LRRC28: variants seen among roughly 807,000 people sequenced by gnomAD.
LRRC28 encodes the protein leucine rich repeat containing 28.
Under a neutral mutation model 45.7 loss-of-function variants are expected in LRRC28, and 39 were observed. The observed-to-expected ratio is 0.85, with a 90% CI of 0.66 to 1.12. The LOEUF (loss-of-function observed/expected upper bound fraction) is 1.12. Ranked by LOEUF, LRRC28 falls within the 50% of genes most tolerant of loss-of-function variation. The pLI is 0.00. For missense variants in LRRC28, 435 were observed against 438.5 expected, an observed-to-expected ratio of 0.99 and a Z score of 0.07; for synonymous variants, 206 against 178.8, an observed-to-expected ratio of 1.15 and a Z score of -1.22.
At chr15:99,277,391 A>T (rs1248580795) in intron 3 of LRRC28, among the ~76,000 whole-genome samples, 1 of 152,148 alleles carries the variant, frequency 6.6e-6, no homozygotes, top group Non-Finnish European at 1.5e-5. Flanking sequence ...ACCTAAATTT[A>T]ACCAATTTTG....
intron 3 of LRRC28, among the ~76,000 whole-genome samples, chr15:99,276,864 G>A (rs918252085): frequency 5.3e-5 from 8 of 152,166 alleles, no homozygotes; most frequent in African/African-American, 1.7e-4. Flanking sequence ...CTTTTCTCTG[G>A]GTATAGTGTC....
intron 2 of LRRC28, among the ~76,000 whole-genome samples, chr15:99,266,362 A>G (rs538089794): frequency 1.3e-3 from 191 of 152,282 alleles, no homozygotes; most frequent in Non-Finnish European, 2.2e-3. Context: ...ATTGGCAAAG[A>G]TGAACACCTA....
At position 99,333,725 on chromosome 15, in the gene LRRC28, T is replaced by C. The variant is rs942124712; in HGVS notation, c.386-198T>C. ...AGCCCTTTTCTCCATTTAAGAAATG[T>C]TGGCAGGGTAATTTAAAAACACTCA... On this transcript the variant is annotated intron_variant, in intron 5 of 9. Transcript: ENST00000301981. The C allele has an allele frequency of 8.2e-6, 5 of 612,890 alleles. No homozygotes were observed. The African/African-American group carries it at 9.3e-5, about 11-fold the overall frequency. The allele number at this position is 612,890 out of a possible 1,614,324, so 38.0% of individuals were successfully genotyped here.
chr15:99,258,886 T>TA (rs1468992777), intron 2 of LRRC28: 22 of 711,910 alleles, frequency 3.1e-5, no homozygotes, highest in Admixed American at 9.1e-5. Flanking sequence ...ACTTCCGTGA[T>TA]ACGATGCCTA....
intron 9 of LRRC28, among the ~76,000 whole-genome samples, chr15:99,377,121 C>G (rs1432265717): frequency 6.6e-6 from 1 of 152,018 alleles, no homozygotes; most frequent in Non-Finnish European, 1.5e-5. Context: ...AATTGCCACA[C>G]TGACTTCCAC....
chr15:99,287,264 C>T lies in LRRC28; in HGVS notation c.217C>T (p.His73Tyr), dbSNP rs923117051. 1 of 1,570,952 alleles carries T rather than the reference C, an allele frequency of 6.4e-7. No individual in the cohort carries two copies. The highest frequency in any genetic ancestry group is 8.6e-7 in the Non-Finnish European group (1 of 1,161,746). The stretch of plus-strand genomic sequence containing the variant: ...TTTCTTTTTCCTTCCTAGATACCTG[C>T]ACTCAAATAACATAGTTGTGGTTCC... ...KLPNLVELYL[H>Y]SNNIVVVPEA... The change falls in exon 4 of 10, where the codon CAC becomes TAC. Residue 73 changes from histidine to tyrosine, a missense_variant. Transcript: ENST00000301981.
intron 5 of LRRC28, among the ~76,000 whole-genome samples, chr15:99,315,886 A>G (rs12915819): frequency 0.83 from 126,987 of 152,160 alleles, 53,384 homozygotes; most frequent in African/African-American, 0.95. Flanking sequence ...GCAGCAGAGC[A>G]AGAACCTGTC....
At chr15:99,270,928 C>CT (rs2081461146) in intron 2 of LRRC28, among the ~76,000 whole-genome samples, 2 of 152,212 alleles carry the variant, frequency 1.3e-5, no homozygotes, top group Admixed American at 6.5e-5. Flanking sequence ...ACACTTGTTA[C>CT]TTTTCTTTTT....
At chr15:99,275,714 G>T (rs1029602283) in intron 2 of LRRC28, among the ~76,000 whole-genome samples, 7 of 152,168 alleles carry the variant, frequency 4.6e-5, no homozygotes, top group African/African-American at 1.7e-4. Context: ...GCTGGGAGTG[G>T]CCGGCAACCT....
chr15:99,265,957 G>A (rs925637492), intron 2 of LRRC28, among the ~76,000 whole-genome samples: 1 of 152,170 alleles, frequency 6.6e-6, no homozygotes, highest in African/African-American at 2.4e-5. Flanking sequence ...TACTGATAGA[G>A]CTCTCACTAC....
intron 6 of LRRC28, among the ~76,000 whole-genome samples, chr15:99,342,350 T>TG (rs1215409791): frequency 1.3e-5 from 2 of 152,098 alleles, no homozygotes; most frequent in Non-Finnish European, 2.9e-5. Context: ...AATGATGTGT[T>TG]GGGGGAGGCT....
At chr15:99,335,040 C>G (rs934600482) in intron 6 of LRRC28, among the ~76,000 whole-genome samples, 2 of 151,732 alleles carry the variant, frequency 1.3e-5, no homozygotes, top group Admixed American at 1.3e-4. Context: ...ATTATTTTTC[C>G]ATAAATATAA....
At position 99,268,573 on chromosome 15, in the gene LRRC28, CCTAA is replaced by C. The variant is rs374961013; in HGVS notation, c.169-8000_169-7997del. 1.9e-3 allele frequency among the ~76,000 whole-genome samples: 288 copies of C among 152,274 alleles called. 4 individuals carry two copies. The highest frequency in any genetic ancestry group is 0.018 in the South Asian group (86 of 4,826). On this transcript the variant is annotated intron_variant, in intron 2 of 9. Coordinates refer to ENST00000301981, the MANE Select transcript of LRRC28 (RefSeq NM_144598.5). ...GTGTACTGGAAGTGAGACACCAGTG[CCTAA>C]CTGTTAGTCCCATCGAATCAGTCAA...
At chr15:99,383,998 G>A (rs1228186312) in intron 9 of LRRC28, among the ~76,000 whole-genome samples, 2 of 152,182 alleles carry the variant, frequency 1.3e-5, no homozygotes, top group East Asian at 3.9e-4. Flanking sequence ...GCTGGCCAAT[G>A]TACTTAGAAT....
At chr15:99,383,621 C>T (rs915300234) in intron 9 of LRRC28, among the ~76,000 whole-genome samples, 2 of 152,212 alleles carry the variant, frequency 1.3e-5, no homozygotes, top group African/African-American at 4.8e-5. Context: ...CATATGAACT[C>T]TTGCAGGATT....
chr15:99,316,617 G>C (rs1372408514), intron 5 of LRRC28, among the ~76,000 whole-genome samples: 1 of 151,692 alleles, frequency 6.6e-6, no homozygotes, highest in Non-Finnish European at 1.5e-5. Context: ...CTGAAGGCCT[G>C]TTTTTGCTTA....
At chr15:99,260,736 A>G (rs1462867643) in intron 2 of LRRC28, among the ~76,000 whole-genome samples, 2 of 152,242 alleles carry the variant, frequency 1.3e-5, no homozygotes, top group Non-Finnish European at 1.5e-5. Flanking sequence ...TATAGTTCCT[A>G]AAGGAGAGTA....
intron 2 of LRRC28, among the ~76,000 whole-genome samples, chr15:99,268,902 T>G (rs2081400755): frequency 6.6e-6 from 1 of 152,212 alleles, no homozygotes; most frequent in African/African-American, 2.4e-5. Flanking sequence ...CCTCCAACCC[T>G]TGTTTCCGAC....
At chr15:99,261,792 G>A (rs1344854738) in intron 2 of LRRC28, among the ~76,000 whole-genome samples, 1 of 151,988 alleles carries the variant, frequency 6.6e-6, no homozygotes, top group Non-Finnish European at 1.5e-5. Flanking sequence ...CGAGTAGCTT[G>A]GACTACAGGC....
Sources: gnomAD v4.1 joint callset for allele counts (sites outside exome capture counted in the v4.1 genomes callset) on GRCh38, gnomAD v4.1.1 for gene constraint, MANE v1.5 for transcripts, NCBI Gene and HGNC (gene_info 2026-07-23, HGNC 2026-07-21) for gene names.